Variants in GIPC3 observed in about 807,000 individuals in gnomAD.
GIPC3 encodes GIPC PDZ domain containing family member 3, also known as PDZ domain-containing protein GIPC3.
In GIPC3, 16 loss-of-function variants were observed where a neutral mutation model predicts 27.3. The ratio of observed to expected loss-of-function variants is 0.59; its 90% confidence interval spans 0.40 to 0.89. The LOEUF (loss-of-function observed/expected upper bound fraction) is 0.89. Ranked by LOEUF, GIPC3 falls within the 40% of genes least tolerant of loss-of-function variation. GIPC3 has a pLI of 0.00. For synonymous variants in GIPC3, 194 were observed against 184.6 expected (o/e 1.05, Z -0.41); for missense variants, 440 against 442.1 (o/e 1.00, Z 0.04).
chr19:3,591,912 A>T lies in GIPC3; in HGVS notation c.*1722A>T, dbSNP rs1433492414. The T allele has an allele frequency of 8.1e-7, 1 of 1,232,358 alleles. No individual in the cohort carries two copies. Among genetic ancestry groups the T allele is most frequent in the East Asian group, 3.2e-5 (1 of 31,714 alleles). The allele number at this position is 1,232,358 out of a possible 1,614,324, so 76.3% of individuals were successfully genotyped here. ...CAGCTCTAGAATGCAGTTTACTTCC[A>T]GGACCCAGACCAATTTCAAGGCCTG... On this transcript the variant is annotated 3_prime_UTR_variant, in exon 6 of 6. Coordinates refer to ENST00000644452, the MANE Select transcript of GIPC3 (RefSeq NM_133261.3).
chr19:3,587,902 G>A (rs1338412863), intron 3 of GIPC3, among the ~76,000 whole-genome samples: 1 of 151,328 alleles, frequency 6.6e-6, no homozygotes, highest in East Asian at 2.0e-4. Flanking sequence ...TGTTAGCCAG[G>A]ACGGTCTCGA....
rs752267089 is a variant in GIPC3, at chr19:3,593,296, G to C, written c.*3106G>C. 5.7e-6 allele frequency: 7 copies of C among 1,232,222 alleles called. No homozygotes were observed. The highest frequency in any genetic ancestry group is 7.1e-6 in the Non-Finnish European group (7 of 988,164). 76.3% of individuals were successfully genotyped at this position (1,232,222 alleles called of 1,614,324 possible). ...TACCGCGGGGGGCCGTAGCTTGGCT[G>C]TGACTTAGCCCTGGTTCATGTGGTT... On this transcript the variant is annotated 3_prime_UTR_variant, in exon 6 of 6. Coordinates refer to ENST00000644452, the MANE Select transcript of GIPC3 (RefSeq NM_133261.3).
chr19:3,590,729 C>T lies in GIPC3; in HGVS notation c.*539C>T, dbSNP rs1331786671. 1.9e-6 allele frequency: 2 copies of T among 1,034,870 alleles called. No individual in the cohort carries two copies. Among genetic ancestry groups the T allele is most frequent in the African/African-American group, 3.4e-5 (2 of 58,556 alleles). The allele number at this position is 1,034,870 out of a possible 1,614,324, so 64.1% of individuals were successfully genotyped here. On this transcript the variant is annotated 3_prime_UTR_variant, in exon 6 of 6. Coordinates refer to ENST00000644452, the MANE Select transcript of GIPC3 (RefSeq NM_133261.3). The stretch of plus-strand genomic sequence containing the variant: ...CTAAAACTCAGATGGGCTCTGAGAC[C>T]ATGCCCAGCTCTAGAACTCAGATGG...
At chr19:3,589,650 T>A in intron 4 of GIPC3, 95 bp downstream of exon 4, 1 of 1,209,288 alleles carries the variant, frequency 8.3e-7, no homozygotes, top group Non-Finnish European at 1.2e-6. Flanking sequence ...CCTCGGAGCC[T>A]CAGTTTCTCT....
rs763402532 is a variant in GIPC3, at chr19:3,589,995, G to A, written c.788-44G>A. 4.6e-5 allele frequency: 74 copies of A among 1,612,954 alleles called. 1 individual carries two copies. Among genetic ancestry groups the A allele is most frequent in the Middle Eastern group, 1.6e-4 (1 of 6,082 alleles). The stretch of plus-strand genomic sequence containing the variant: ...CAGGGGTCCCAGCGGGAAGTTGGGC[G>A]CGGGGAGTGCCCTCACTGACATCCC... On this transcript the variant is annotated intron_variant, in intron 5 of 5. Transcript: ENST00000644452.
chr19:3,592,714 T>G lies in GIPC3; in HGVS notation c.*2524T>G. ...ACCCAGTCCAGCTCTGAGACCGGGC[T>G]CAGCTCTGAAACCCAGACCGGCTCA... On this transcript the variant is annotated 3_prime_UTR_variant, in exon 6 of 6. Coordinates refer to ENST00000644452, the MANE Select transcript of GIPC3 (RefSeq NM_133261.3). 1 of 1,230,368 alleles carries G rather than the reference T, an allele frequency of 8.1e-7. No individual in the cohort carries two copies. The highest frequency in any genetic ancestry group is 1.0e-6 in the Non-Finnish European group (1 of 986,762). The allele number at this position is 1,230,368 out of a possible 1,614,324, so 76.2% of individuals were successfully genotyped here. A position where few individuals can be genotyped will look rare whatever the true frequency, so the allele number is the denominator to read the frequency against.
chr19:3,587,138 C>T, intron 3 of GIPC3, 144 bp downstream of exon 3: 1 of 705,066 alleles, frequency 1.4e-6, no homozygotes, highest in African/African-American at 1.8e-5. Context: ...GTATCAGAAA[C>T]TCGTAGGTAG....
chr19:3,591,919 A>G lies in GIPC3; in HGVS notation c.*1729A>G, dbSNP rs1007501636. 1.6e-6 allele frequency: 2 copies of G among 1,232,382 alleles called. No individual in the cohort carries two copies. The highest frequency in any genetic ancestry group is 3.1e-5 in the African/African-American group (2 of 64,414). The allele number at this position is 1,232,382 out of a possible 1,614,324, so 76.3% of individuals were successfully genotyped here. A position where few individuals can be genotyped will look rare whatever the true frequency, so the allele number is the denominator to read the frequency against. On this transcript the variant is annotated 3_prime_UTR_variant, in exon 6 of 6. Transcript: ENST00000644452. ...AGAATGCAGTTTACTTCCAGGACCC[A>G]GACCAATTTCAAGGCCTGGCCAAGC...
Position 3,585,552 on chromosome 19 carries a change from G to T in GIPC3, c.-46G>T. The T allele has an allele frequency of 8.9e-7, 1 of 1,119,224 alleles. No homozygotes were observed. 69.3% of individuals were successfully genotyped at this position (1,119,224 alleles called of 1,614,324 possible). ...GGAGGCTGCAGGAAGCGGCGGATCC[G>T]GCGGCGGCGGCGAGGGCCCGGGTGG... On this transcript the variant is annotated 5_prime_UTR_variant, in exon 1 of 6. Transcript: ENST00000644452.
chr19:3,586,462 T>C (rs369739040), intron 1 of GIPC3, 33 bp from the exon 2 acceptor site: 23 of 1,604,238 alleles, frequency 1.4e-5, no homozygotes, highest in African/African-American at 5.3e-5. Context: ...ATGCATGCCC[T>C]GGCTAACTCT....
chr19:3,592,762 C>T lies in GIPC3; in HGVS notation c.*2572C>T, dbSNP rs967555830. 2 of 1,232,134 alleles carry T rather than the reference C, an allele frequency of 1.6e-6. No homozygotes were observed. The highest frequency in any genetic ancestry group is 4.2e-5 in the Admixed American group (1 of 23,720). 76.3% of individuals were successfully genotyped at this position (1,232,134 alleles called of 1,614,324 possible). On this transcript the variant is annotated 3_prime_UTR_variant, in exon 6 of 6. Transcript: ENST00000644452. ...TCAAGAATTCAGCCCAGCCCTGGAG[C>T]CCACCTTAGTTCTGGAACCCAGCCT... is the stretch of plus-strand genomic sequence containing the variant.
chr19:3,591,348 C>T lies in GIPC3; in HGVS notation c.*1158C>T. ...CAAGCCAAACTCTGGAACCCAGACA[C>T]ATTTTAAGACCCAGACCAGCTTGGA... On this transcript the variant is annotated 3_prime_UTR_variant, in exon 6 of 6. Coordinates refer to ENST00000644452, the MANE Select transcript of GIPC3 (RefSeq NM_133261.3). 1.6e-6 allele frequency: 2 copies of T among 1,232,372 alleles called. No homozygotes were observed. Among genetic ancestry groups the T allele is most frequent in the Non-Finnish European group, 2.0e-6 (2 of 988,248 alleles). 76.3% of individuals were successfully genotyped at this position (1,232,372 alleles called of 1,614,324 possible).
In GIPC3 at chr19:3,592,672, C is replaced by A. The variant is rs962950477; in HGVS notation, c.*2482C>A. On this transcript the variant is annotated 3_prime_UTR_variant, in exon 6 of 6. Coordinates refer to ENST00000644452, the MANE Select transcript of GIPC3 (RefSeq NM_133261.3). ...TCAAGAATTCAGCCCGACTCTGGAG[C>A]CCAACTTAGTTCCAGAACCCAGTCC... 1.6e-6 allele frequency: 2 copies of A among 1,231,856 alleles called. No individual in the cohort carries two copies. Among genetic ancestry groups the A allele is most frequent in the African/African-American group, 3.1e-5 (2 of 64,314 alleles). The allele number at this position is 1,231,856 out of a possible 1,614,324, so 76.3% of individuals were successfully genotyped here. A position where few individuals can be genotyped will look rare whatever the true frequency, so the allele number is the denominator to read the frequency against.
Position 3,586,532 on chromosome 19 carries a change from T to G in GIPC3, c.263T>G (p.Met88Arg). 6.2e-7 allele frequency: 1 copy of G among 1,613,916 alleles called. No homozygotes were observed. The highest frequency in any genetic ancestry group is 8.5e-7 in the Non-Finnish European group (1 of 1,179,992). The change falls in exon 2 of 6, where the codon ATG becomes AGG. Residue 88 changes from methionine to arginine, a missense_variant. Coordinates refer to ENST00000644452, the MANE Select transcript of GIPC3 (RefSeq NM_133261.3). ...FCTLNSHKVDMQKLLGGQIGL... is the reference protein window; with the variant it reads ...FCTLNSHKVDRQKLLGGQIGL... ...ACCCTCAACAGCCACAAAGTGGACATGCAGAAGCTCCTGGGGGGTCAGATA... is the reference window on the plus strand; with the variant it reads ...ACCCTCAACAGCCACAAAGTGGACAGGCAGAAGCTCCTGGGGGGTCAGATA...
Position 3,590,335 on chromosome 19 carries a change from A to G in GIPC3, c.*145A>G. On this transcript the variant is annotated 3_prime_UTR_variant, in exon 6 of 6. Coordinates refer to ENST00000644452, the MANE Select transcript of GIPC3 (RefSeq NM_133261.3). ...GAGCCCCAGCCCAACTCCAGAACCC[A>G]ACCCTTCTCTAGAATCCAGCCCAGA... The G allele has an allele frequency of 6.9e-7, 1 of 1,447,836 alleles. No homozygotes were observed. The highest frequency in any genetic ancestry group is 1.4e-5 in the South Asian group (1 of 69,864). The allele number at this position is 1,447,836 out of a possible 1,614,324, so 89.7% of individuals were successfully genotyped here.
Position 3,586,489 on chromosome 19 carries a change from G to C in GIPC3, c.226-6G>C. On this transcript the variant is annotated splice_region_variant and splice_polypyrimidine_tract_variant and intron_variant, in intron 1 of 5. Transcript: ENST00000644452. ...GCTAACTCTAGGCTCCTTCTCCCCC[G>C]GGAAGATTTTATTCTGCACCCTCAA... 3 of 1,613,034 alleles carry C rather than the reference G, an allele frequency of 1.9e-6. No individual in the cohort carries two copies. The highest frequency in any genetic ancestry group is 2.5e-6 in the Non-Finnish European group (3 of 1,179,784).
intron 4 of GIPC3, 119 bp from the exon 5 acceptor site, chr19:3,589,712 C>A (rs1169842753): frequency 1.8e-6 from 2 of 1,132,790 alleles, no homozygotes; most frequent in Non-Finnish European, 1.3e-6. Flanking sequence ...TTGGTACCAG[C>A]ACTACTGACT....
chr19:3,591,233 C>A lies in GIPC3; in HGVS notation c.*1043C>A. On this transcript the variant is annotated 3_prime_UTR_variant, in exon 6 of 6. Coordinates refer to ENST00000644452, the MANE Select transcript of GIPC3 (RefSeq NM_133261.3). ...CTGAGGCCAAACCCAGCTCTAGAAC[C>A]CAGATAAGATCTGAGACCAAGCCCT... 8.1e-7 allele frequency: 1 copy of A among 1,232,716 alleles called. No homozygotes were observed. Among genetic ancestry groups the A allele is most frequent in the Non-Finnish European group, 1.0e-6 (1 of 988,512 alleles). The allele number at this position is 1,232,716 out of a possible 1,614,324, so 76.4% of individuals were successfully genotyped here.
chr19:3,587,694 T>TCTTTTTTCTTTTCTTTTC, intron 3 of GIPC3, among the ~76,000 whole-genome samples: 1 of 119,064 alleles, frequency 8.4e-6, no homozygotes. Context: ...TCTTTTCTTT[T>TCTTTTTTCTTTTCTTTTC]CTTTTTTTTT....
Sources: allele counts gnomAD v4.1 joint callset (sites outside exome capture counted in the v4.1 genomes callset), GRCh38; gene constraint gnomAD v4.1.1; transcripts MANE v1.5; gene names NCBI Gene and HGNC (gene_info 2026-07-23, HGNC 2026-07-21).